DNM1: variants seen among roughly 807,000 people sequenced by gnomAD.
DNM1 encodes the protein dynamin-1.
In DNM1, 29 loss-of-function variants were observed where a neutral mutation model predicts 104.6. The observed-to-expected ratio is 0.28, with a 90% CI of 0.21 to 0.38. The LOEUF (loss-of-function observed/expected upper bound fraction) is 0.38, where lower values mean the gene tolerates loss of function less well. Ranked by LOEUF, DNM1 falls within the 10% of genes least tolerant of loss-of-function variation. The probability of loss-of-function intolerance (pLI) is 1.00; values close to 1 mark genes in which losing one functional copy is unlikely to be tolerated. For synonymous variants in DNM1, 445 were observed against 475.8 expected (o/e 0.94, Z 0.84); for missense variants, 640 against 1,189.4 (o/e 0.54, Z 6.79).
chr9:128,239,053 A>G (rs573580358), intron 11 of DNM1, among the ~76,000 whole-genome samples: 1 of 151,840 alleles, frequency 6.6e-6, no homozygotes, highest in South Asian at 2.1e-4. Flanking sequence ...GCTGGAATGC[A>G]GTGGTGCAAT....
chr9:128,234,034 C>T lies in DNM1; in HGVS notation c.1349C>T (p.Pro450Leu), dbSNP rs989385419. Residue 450 changes from proline (P) to leucine (L), a missense_variant, in exon 11 of 22, where the codon CCG becomes CTG. Pro to Leu is a moderately conservative substitution (Grantham distance 98). This residue lies in a region of DNM1 where 92 missense variants were observed against 124.4 expected (regional missense o/e 0.74). Coordinates refer to ENST00000372923, the MANE Select transcript of DNM1 (RefSeq NM_004408.4). ...GCCCTTCCCCAGCTCCAGCAGTACC[C>T]GCGGCTACGGGAGGAGATGGAGCGC... is the stretch of plus-strand genomic sequence containing the variant. ...RQCTKKLQQY[P>L]RLREEMERIV... is the part of the protein sequence containing the mutation. 3.2e-6 allele frequency: 5 copies of T among 1,571,048 alleles called. No individual in the cohort carries two copies. The highest frequency in any genetic ancestry group is 1.2e-5 in the South Asian group (1 of 85,160).
chr9:128,215,162 C>T (rs1355804324), intron 1 of DNM1, among the ~76,000 whole-genome samples: 1 of 152,242 alleles, frequency 6.6e-6, no homozygotes, highest in Non-Finnish European at 1.5e-5. Flanking sequence ...GACTGGGAAG[C>T]AGACCTCTCG....
chr9:128,253,917 G>T lies in DNM1; in HGVS notation c.2535-737G>T. On this transcript the variant is annotated intron_variant, in intron 21 of 21. Coordinates refer to ENST00000372923, the MANE Select transcript of DNM1 (RefSeq NM_004408.4). This position sits in a 1 kb window ranked among gnomAD's most constrained non-coding sequence, Gnocchi z 5.9. ...ACTTGTGCCATTCAGCCAAGGGGAC[G>T]ACCGTGCCTGCTGGCCCAGCTGAGC... The T allele has an allele frequency of 2.4e-6, 3 of 1,227,238 alleles. No homozygotes were observed. The highest frequency in any genetic ancestry group is 8.3e-5 in the South Asian group (2 of 24,096). 76.0% of individuals were successfully genotyped at this position (1,227,238 alleles called of 1,614,324 possible). A position where few individuals can be genotyped will look rare whatever the true frequency, so the allele number is the denominator to read the frequency against.
At position 128,243,206 on chromosome 9, in the gene DNM1, C is replaced by T. The variant is rs1196401966; in HGVS notation, c.1671+861C>T. 1.3e-5 allele frequency among the ~76,000 whole-genome samples: 2 copies of T among 152,192 alleles called. No individual in the cohort carries two copies. Among genetic ancestry groups the T allele is most frequent in the Non-Finnish European group, 2.9e-5 (2 of 68,016 alleles). On this transcript the variant is annotated intron_variant, in intron 15 of 21. Coordinates refer to ENST00000372923, the MANE Select transcript of DNM1 (RefSeq NM_004408.4). The surrounding 1 kb of genome is among the most constrained non-coding windows in gnomAD (Gnocchi z 4.0). ...CACAGAAGCCCCTGCCACCTCCTTC[C>T]CCTGTTGCTGGTCTCCTTTAAGAAT...
At chr9:128,208,960 T>C (rs1384823024) in intron 1 of DNM1, among the ~76,000 whole-genome samples, 5 of 152,144 alleles carry the variant, frequency 3.3e-5, no homozygotes, top group African/African-American at 1.2e-4. Context: ...CCCAACGGGT[T>C]TGAGAACCCG....
At chr9:128,239,855 C>T (rs1836256712) in intron 13 of DNM1, 76 bp downstream of exon 13, 3 of 1,570,196 alleles carry the variant, frequency 1.9e-6, no homozygotes, top group African/African-American at 1.4e-5. Context: ...GCCCCCTCCC[C>T]TGAGGGGAAG....
rs1467398962 is a variant in DNM1 at position 128,242,214 on chromosome 9, T to A, written c.1558-18T>A. 6.9e-7 allele frequency: 1 copy of A among 1,458,588 alleles called. No individual in the cohort carries two copies. Among genetic ancestry groups the A allele is most frequent in the South Asian group, 1.1e-5 (1 of 87,662 alleles). 90.4% of individuals were successfully genotyped at this position (1,458,588 alleles called of 1,614,324 possible). On this transcript the variant is annotated intron_variant, in intron 14 of 21. Coordinates refer to ENST00000372923, the MANE Select transcript of DNM1 (RefSeq NM_004408.4). ...GCTCAGGCCCTGTCCACTGACCTCC[T>A]GCCCCATCACCCTCCAGGTCATCCG...
At chr9:128,219,875 A>G in intron 4 of DNM1, 113 bp from the exon 5 acceptor site, 1 of 687,340 alleles carries the variant, frequency 1.5e-6, no homozygotes, top group South Asian at 2.1e-5. Context: ...GAAAGAGAGG[A>G]GGCAGTGAGC....
intron 1 of DNM1, among the ~76,000 whole-genome samples, chr9:128,216,030 C>A (rs1249124401): frequency 6.6e-6 from 1 of 152,048 alleles, no homozygotes; most frequent in Non-Finnish European, 1.5e-5. Flanking sequence ...TCCCACCCCC[C>A]AGCAAACCCC....
chr9:128,203,463 C>A lies in DNM1; in HGVS notation c.-8C>A. ...GCCGGATCGCAGCCTGCGGGGCCCGCCGCAGCCATGGGCAACCGCGGCATG... is the reference window on the plus strand; with the variant it reads ...GCCGGATCGCAGCCTGCGGGGCCCGACGCAGCCATGGGCAACCGCGGCATG... On this transcript the variant is annotated 5_prime_UTR_variant, in exon 1 of 22. Coordinates refer to ENST00000372923, the MANE Select transcript of DNM1 (RefSeq NM_004408.4). This position sits in a 1 kb window ranked among gnomAD's most constrained non-coding sequence, Gnocchi z 5.3. 6.7e-7 allele frequency: 1 copy of A among 1,481,746 alleles called. No homozygotes were observed. The allele number at this position is 1,481,746 out of a possible 1,614,324, so 91.8% of individuals were successfully genotyped here.
At chr9:128,225,902 GTC>G (rs1192019724) in intron 10 of DNM1, 48 of 744,564 alleles carry the variant, frequency 6.4e-5, no homozygotes, top group Non-Finnish European at 8.6e-5. Flanking sequence ...CTGTGTCGAT[GTC>G]TCTCTCTCTT....
At chr9:128,233,927 C>A in intron 10 of DNM1, 94 bp from the exon 11 acceptor site, 1 of 1,156,338 alleles carries the variant, frequency 8.6e-7, no homozygotes, top group Non-Finnish European at 1.3e-6. Flanking sequence ...GTGCCTCCCA[C>A]CCTGCGCCGC....
At chr9:128,221,637 T>G (rs1835027130) in intron 6 of DNM1, among the ~76,000 whole-genome samples, 1 of 152,168 alleles carries the variant, frequency 6.6e-6, no homozygotes, top group African/African-American at 2.4e-5. Flanking sequence ...GGTTCATGCC[T>G]GTAATCCCAC....
chr9:128,233,851 T>C (rs942495289), intron 10 of DNM1, 170 bp from the exon 11 acceptor site: 1 of 617,334 alleles, frequency 1.6e-6, no homozygotes, highest in African/African-American at 1.9e-5. Flanking sequence ...GGGGTGGCCG[T>C]GGCTTGGTGC....
At position 128,220,742 on chromosome 9, in the gene DNM1, C is replaced by CGCGCGTGTGTGTGTGTGT. The variant is rs61020870; in HGVS notation, c.849+402_849+403insCGCGTGTGTGTGTGTGTG. On this transcript the variant is annotated intron_variant, in intron 6 of 21. Transcript: ENST00000372923. This position sits in a 1 kb window ranked among gnomAD's most constrained non-coding sequence, Gnocchi z 5.2. ...CAGAACTGAAGTGCGCGCGCGCGCG[C>CGCGCGTGTGTGTGTGTGT]GTGTGTGTGTGTGTGTGTGTGTGTG... 1.3e-4 allele frequency among the ~76,000 whole-genome samples: 18 copies of CGCGCGTGTGTGTGTGTGT among 136,364 alleles called. No individual in the cohort carries two copies. The highest frequency in any genetic ancestry group is 4.2e-4 in the African/African-American group (16 of 37,810). 89.5% of individuals were successfully genotyped at this position (136,364 alleles called of 152,430 possible).
At position 128,254,366 on chromosome 9, in the gene DNM1, G is replaced by A; in HGVS notation, c.2535-288G>A. The A allele has an allele frequency of 7.1e-7, 1 of 1,408,408 alleles. No homozygotes were observed. Among genetic ancestry groups the A allele is most frequent in the Non-Finnish European group, 9.2e-7 (1 of 1,089,824 alleles). 87.2% of individuals were successfully genotyped at this position (1,408,408 alleles called of 1,614,324 possible). A position where few individuals can be genotyped will look rare whatever the true frequency, so the allele number is the denominator to read the frequency against. On this transcript the variant is annotated intron_variant, in intron 21 of 21. Coordinates refer to ENST00000372923, the MANE Select transcript of DNM1 (RefSeq NM_004408.4). The surrounding 1 kb of genome is among the most constrained non-coding windows in gnomAD (Gnocchi z 6.1). ...CCGAGCATCAGCCTGAATTGCGGGT[G>A]CCCTGCCTGGGTGCCGTGTGAGAGG...
intron 1 of DNM1, among the ~76,000 whole-genome samples, chr9:128,212,025 C>T (rs764476966): frequency 2.7e-4 from 41 of 152,316 alleles, no homozygotes; most frequent in Admixed American, 7.2e-4. Context: ...AAAATCTCAG[C>T]GGGTGAATGC....
Position 128,243,152 on chromosome 9 carries a change from CA to C in DNM1, c.1671+813del, listed in dbSNP as rs536083285. ...GTGTGGGGGCCCTGCCGAGGTGCCA[CA>C]AAAAACCCCTCCCCGCCCACTAGGG... On this transcript the variant is annotated intron_variant, in intron 15 of 21. Transcript: ENST00000372923. The surrounding 1 kb of genome is among the most constrained non-coding windows in gnomAD (Gnocchi z 4.0). Among the ~76,000 whole-genome samples, 51 of 152,230 alleles carry C rather than the reference CA, an allele frequency of 3.4e-4. 1 individual carries two copies. In the South Asian group the frequency reaches 0.01, roughly 30 times the overall value.
intron 14 of DNM1, among the ~76,000 whole-genome samples, chr9:128,241,638 G>A (rs367546757): frequency 3.2e-4 from 48 of 152,214 alleles, no homozygotes; most frequent in African/African-American, 1.0e-3. Context: ...ACACACGCAC[G>A]TAGAGAAGTT....
Sources: gnomAD v4.1 joint callset for allele counts (sites outside exome capture counted in the v4.1 genomes callset) on GRCh38, gnomAD v4.1.1 for gene constraint, gnomAD v4.1.1 regional missense constraint, Gnocchi (gnomAD v3.1) non-coding constraint, MANE v1.5 for transcripts, NCBI Gene and HGNC (gene_info 2026-07-23, HGNC 2026-07-21) for gene names.